The following MXD1 variants were observed in gnomAD, a reference collection of about 807,000 sequenced individuals.
MXD1 encodes the protein MAX-binding protein.
Under a neutral mutation model 25.7 loss-of-function variants are expected in MXD1, and 9 were observed. The observed-to-expected ratio is 0.35, with a 90% CI of 0.21 to 0.61. The LOEUF is 0.61. Among genes scored for constraint, MXD1 ranks in the 20% least tolerant of loss-of-function variants. The pLI is 0.75. For synonymous variants in MXD1, 99 were observed against 113.9 expected, an observed-to-expected ratio of 0.87 and a Z score of 0.83; for missense variants, 227 against 292.4, an observed-to-expected ratio of 0.78 and a Z score of 1.63.
In MXD1 at chr2:69,915,148, G is replaced by T; in HGVS notation, c.-183G>T. On this transcript the variant is annotated 5_prime_UTR_variant, in exon 1 of 6. Coordinates refer to ENST00000264444, the MANE Select transcript of MXD1 (RefSeq NM_002357.4). The surrounding 1 kb of genome is among the most constrained non-coding windows in gnomAD (Gnocchi z 5.8). ...TCTGTCACTGTGTCGGCGGTGCCCA[G>T]CTCACTGGCCCCCTCCCTCTCTTGT... is the stretch of plus-strand genomic sequence containing the variant. 1 of 441,660 alleles carries T rather than the reference G, an allele frequency of 2.3e-6. No homozygotes were observed. The highest frequency in any genetic ancestry group is 3.8e-6 in the Non-Finnish European group (1 of 261,858). 27.4% of individuals were successfully genotyped at this position (441,660 alleles called of 1,614,324 possible). A position where few individuals can be genotyped will look rare whatever the true frequency, so the allele number is the denominator to read the frequency against.
In MXD1 at chr2:69,915,246, A is replaced by T. The variant is rs972478198; in HGVS notation, c.-85A>T. ...CACAGCGGGCTCCACAGCGGGCTCCATAGCGGGCTCCACAGCGGTCCGGCG... is the reference window on the plus strand; with the variant it reads ...CACAGCGGGCTCCACAGCGGGCTCCTTAGCGGGCTCCACAGCGGTCCGGCG... On this transcript the variant is annotated 5_prime_UTR_variant, in exon 1 of 6. Transcript: ENST00000264444. This position sits in a 1 kb window ranked among gnomAD's most constrained non-coding sequence, Gnocchi z 5.8. 32 of 1,214,480 alleles carry T rather than the reference A, an allele frequency of 2.6e-5. No individual in the cohort carries two copies. In the East Asian group the frequency reaches 5.7e-4, roughly 22 times the overall value. 75.2% of individuals were successfully genotyped at this position (1,214,480 alleles called of 1,614,324 possible).
At chr2:69,936,992 A>G in intron 4 of MXD1, 2 of 625,006 alleles carry the variant, frequency 3.2e-6, no homozygotes, top group South Asian at 3.0e-5. Context: ...AGTATGTGAG[A>G]GCTCACCCCC....
chr2:69,930,352 C>T (rs1195811203), intron 3 of MXD1, among the ~76,000 whole-genome samples: 1 of 152,102 alleles, frequency 6.6e-6, no homozygotes, highest in Non-Finnish European at 1.5e-5. Flanking sequence ...CCATTGCAGT[C>T]GAGATCAAGG....
chr2:69,922,790 G>A (rs1677090161), intron 3 of MXD1, among the ~76,000 whole-genome samples: 1 of 150,448 alleles, frequency 6.6e-6, no homozygotes, highest in South Asian at 2.1e-4. Flanking sequence ...TGAGGCAGGA[G>A]AATCGCTTGA....
rs1426450296 is a variant in MXD1 at position 69,920,013 on chromosome 2, T to C, written c.174-1723T>C. On this transcript the variant is annotated intron_variant, in intron 2 of 5. Coordinates refer to ENST00000264444, the MANE Select transcript of MXD1 (RefSeq NM_002357.4). ...TGTTTTGTTTTGTTTTGTTTTGTTT[T>C]GTTTTGTTTTGTTTTTGAGATGGAG... 3.5e-5 allele frequency among the ~76,000 whole-genome samples: 3 copies of C among 85,608 alleles called. 1 individual carries two copies. The highest frequency in any genetic ancestry group is 1.4e-4 in the African/African-American group (2 of 14,104). 56.2% of individuals were successfully genotyped at this position (85,608 alleles called of 152,430 possible).
At position 69,941,920 on chromosome 2, in the gene MXD1, T is replaced by C. The variant is rs865890909; in HGVS notation, c.*3636T>C. On this transcript the variant is annotated 3_prime_UTR_variant, in exon 6 of 6. Transcript: ENST00000264444. ...TTTAGGTTTTTATACCATACTGTAT[T>C]GGCGAGAATACCACTATCATTGTCC... The C allele has an allele frequency of 3.3e-5, 5 of 152,250 alleles. No individual in the cohort carries two copies. The highest frequency in any genetic ancestry group is 4.1e-4 in the South Asian group (2 of 4,824). 9.4% of individuals were successfully genotyped at this position (152,250 alleles called of 1,614,324 possible). A position where few individuals can be genotyped will look rare whatever the true frequency, so the allele number is the denominator to read the frequency against.
intron 4 of MXD1, 52 bp from the exon 5 acceptor site, chr2:69,937,183 C>T (rs769396269): frequency 3.7e-6 from 6 of 1,606,864 alleles, no homozygotes; most frequent in African/African-American, 2.7e-5. Context: ...GGGGCCATTG[C>T]CCATTTAGAG....
intron 3 of MXD1, among the ~76,000 whole-genome samples, chr2:69,924,829 G>T (rs553357109): frequency 2.6e-5 from 4 of 152,134 alleles, no homozygotes; most frequent in East Asian, 1.9e-4. Context: ...TCTTGATATT[G>T]CAGAGTTGAT....
chr2:69,931,595 T>C (rs1677286149), intron 3 of MXD1, among the ~76,000 whole-genome samples: 2 of 152,318 alleles, frequency 1.3e-5, no homozygotes, highest in Non-Finnish European at 2.9e-5. Context: ...GCATTAATAT[T>C]TGGTTGCATA....
rs1049659461 is a variant in MXD1, at chr2:69,939,918, C to T, written c.*1634C>T. The T allele has an allele frequency of 5.9e-5, 9 of 152,444 alleles. No homozygotes were observed. Among genetic ancestry groups the T allele is most frequent in the African/African-American group, 1.9e-4 (8 of 41,450 alleles). The allele number at this position is 152,444 out of a possible 1,614,324, so 9.4% of individuals were successfully genotyped here. ...CACACAGCTAAGGTCAAAGTTCAAA[C>T]GCACTCCACACGGAAGCTCATTCTA... On this transcript the variant is annotated 3_prime_UTR_variant, in exon 6 of 6. Transcript: ENST00000264444.
At chr2:69,918,888 T>C (rs1677008147) in intron 2 of MXD1, among the ~76,000 whole-genome samples, 2 of 152,158 alleles carry the variant, frequency 1.3e-5, no homozygotes, top group Non-Finnish European at 2.9e-5. Flanking sequence ...TCAATGGAGG[T>C]GGCTGGCAGT....
intron 3 of MXD1, among the ~76,000 whole-genome samples, chr2:69,926,327 C>G (rs1328163071): frequency 1.3e-5 from 2 of 151,400 alleles, no homozygotes; most frequent in African/African-American, 2.4e-5. Flanking sequence ...AATATATACC[C>G]TTTCATTCTC....
intron 3 of MXD1, among the ~76,000 whole-genome samples, chr2:69,923,746 A>G (rs1677117604): frequency 6.6e-6 from 1 of 152,170 alleles, no homozygotes; most frequent in Non-Finnish European, 1.5e-5. Context: ...CTAGAAACTC[A>G]AAAGTATCTC....
intron 4 of MXD1, 37 bp from the exon 5 acceptor site, chr2:69,937,198 C>T: frequency 6.2e-7 from 1 of 1,610,428 alleles, no homozygotes; most frequent in East Asian, 2.2e-5. Flanking sequence ...TTAGAGATCT[C>T]CCTGTGGGGC....
Position 69,915,193 on chromosome 2 carries a change from G to T in MXD1, c.-138G>T. 1.4e-6 allele frequency: 1 copy of T among 696,872 alleles called. No individual in the cohort carries two copies. The allele number at this position is 696,872 out of a possible 1,614,324, so 43.2% of individuals were successfully genotyped here. On this transcript the variant is annotated 5_prime_UTR_variant, in exon 1 of 6. In the 5' UTR this introduces an upstream ATG that the reference lacks. Coordinates refer to ENST00000264444, the MANE Select transcript of MXD1 (RefSeq NM_002357.4). This position sits in a 1 kb window ranked among gnomAD's most constrained non-coding sequence, Gnocchi z 5.8. ...TCTTGTCGAGCGTGGTTGCCAGAGA[G>T]GCTCCCTCAGCCCTGCTCCGCGGGG...
chr2:69,933,200 C>CAAAAAAA (rs59201689), intron 3 of MXD1, among the ~76,000 whole-genome samples: 7 of 80,150 alleles, frequency 8.7e-5, no homozygotes, highest in East Asian at 3.6e-4. Flanking sequence ...AACTCTGTCT[C>CAAAAAAA]AAAAAAAAAA....
chr2:69,942,590 T>C lies in MXD1; in HGVS notation c.*4306T>C, dbSNP rs1677635928. On this transcript the variant is annotated 3_prime_UTR_variant, in exon 6 of 6. Coordinates refer to ENST00000264444, the MANE Select transcript of MXD1 (RefSeq NM_002357.4). ...GGGGTGGCAAGTTGAGGGAGCATTC[T>C]TCATTTTAGCTTTTACCTGACAACC... 1 of 152,216 alleles carries C rather than the reference T, an allele frequency of 6.6e-6. No individual in the cohort carries two copies. The highest frequency in any genetic ancestry group is 2.4e-5 in the African/African-American group (1 of 41,458). 9.4% of individuals were successfully genotyped at this position (152,216 alleles called of 1,614,324 possible).
chr2:69,932,022 G>A (rs1214500993), intron 3 of MXD1, among the ~76,000 whole-genome samples: 2 of 152,186 alleles, frequency 1.3e-5, no homozygotes, highest in Admixed American at 1.3e-4. Context: ...GCTTCCTGTT[G>A]AGGATATATG....
Position 69,915,686 on chromosome 2 carries a change from C to T in MXD1, c.73+283C>T, listed in dbSNP as rs1453258862. Among the ~76,000 whole-genome samples the T allele has an allele frequency of 6.6e-6, 1 of 152,226 alleles. No homozygotes were observed. The highest frequency in any genetic ancestry group is 2.4e-5 in the African/African-American group (1 of 41,466). On this transcript the variant is annotated intron_variant, in intron 1 of 5. Transcript: ENST00000264444. The surrounding 1 kb of genome is among the most constrained non-coding windows in gnomAD (Gnocchi z 5.8). ...GGCCGGGGCCCCCTCCGATAGCCTC[C>T]CTGGTTTACCTCACCCGGGCTGGTC...
Sources: gnomAD v4.1 joint callset for allele counts (sites outside exome capture counted in the v4.1 genomes callset) on GRCh38, gnomAD v4.1.1 for gene constraint, Gnocchi (gnomAD v3.1) non-coding constraint, MANE v1.5 for transcripts, NCBI Gene and HGNC (gene_info 2026-07-23, HGNC 2026-07-21) for gene names.